The following CPAP variants were observed in gnomAD, a reference collection of about 807,000 sequenced individuals.
CPAP encodes the protein centrosomal P4.1-associated protein.
chr13:24,903,833 C>G, the CPAP span: 1 of 1,320,994 alleles, frequency 7.6e-7, no homozygotes, highest in Non-Finnish European at 1.1e-6. Context: ...ATTTGTTTGA[C>G]TGATTTAAAT....
chr13:24,922,282 T>G, the CPAP span, among the ~76,000 whole-genome samples: 20 of 152,136 alleles, frequency 1.3e-4, no homozygotes, highest in African/African-American at 4.8e-4. Flanking sequence ...TCTTAGACCG[T>G]GAGAAGTAAC....
At chr13:24,907,833 CT>C in the CPAP span, among the ~76,000 whole-genome samples, 1 of 152,186 alleles carries the variant, frequency 6.6e-6, no homozygotes, top group African/African-American at 2.4e-5. Context: ...GTCAAGGCAG[CT>C]TGACATATCT....
the CPAP span, among the ~76,000 whole-genome samples, chr13:24,914,336 A>C: frequency 6.6e-6 from 1 of 152,042 alleles, no homozygotes. Flanking sequence ...CCCCATCACC[A>C]TTACCTACCT....
the CPAP span, chr13:24,905,341 CT>C: frequency 6.2e-7 from 1 of 1,612,904 alleles, no homozygotes; most frequent in South Asian, 1.1e-5. Context: ...AATGCTCTGA[CT>C]CACCAGGTGG....
At chr13:24,921,417 C>T in the CPAP span, among the ~76,000 whole-genome samples, 2 of 152,326 alleles carry the variant, frequency 1.3e-5, no homozygotes, top group Non-Finnish European at 2.9e-5. Context: ...GCCATTCTTT[C>T]TTCCCAAATA....
the CPAP span, among the ~76,000 whole-genome samples, chr13:24,908,475 G>A: frequency 2.0e-5 from 3 of 147,390 alleles, no homozygotes; most frequent in Admixed American, 6.7e-5. Flanking sequence ...TTAGCCAGGC[G>A]TGGTGGCACA....
At chr13:24,932,251 T>C in the CPAP span, among the ~76,000 whole-genome samples, 1 of 152,192 alleles carries the variant, frequency 6.6e-6, no homozygotes, top group African/African-American at 2.4e-5. Context: ...TAGACGTGAC[T>C]CCTTGTTTCT....
chr13:24,908,273 A>C, the CPAP span: 1 of 617,388 alleles, frequency 1.6e-6, no homozygotes, highest in Middle Eastern at 4.5e-4. Flanking sequence ...GGAATTCTTT[A>C]ATATAATTAA....
the CPAP span, among the ~76,000 whole-genome samples, chr13:24,898,452 G>A: frequency 6.6e-6 from 1 of 152,078 alleles, no homozygotes; most frequent in African/African-American, 2.4e-5. Context: ...TGAATAGGTG[G>A]CCGGAGCAAG....
At chr13:24,900,896 G>A in the CPAP span, among the ~76,000 whole-genome samples, 1 of 152,216 alleles carries the variant, frequency 6.6e-6, no homozygotes, top group Non-Finnish European at 1.5e-5. Context: ...GCAAATGGAA[G>A]AGCAGACTCA....
chr13:24,931,778 T>C, the CPAP span, among the ~76,000 whole-genome samples: 1 of 152,240 alleles, frequency 6.6e-6, no homozygotes, highest in African/African-American at 2.4e-5. Context: ...TATCTCACTC[T>C]CCTGTTTCCA....
At chr13:24,907,216 T>G in the CPAP span, 21 of 1,533,890 alleles carry the variant, frequency 1.4e-5, no homozygotes, top group Non-Finnish European at 1.8e-5. Flanking sequence ...AGAAAGTTAT[T>G]TAACATGCAA....
At chr13:24,932,221 C>A in the CPAP span, among the ~76,000 whole-genome samples, 1 of 152,332 alleles carries the variant, frequency 6.6e-6, no homozygotes, top group Non-Finnish European at 1.5e-5. Flanking sequence ...CAAAGGGCAG[C>A]TTTCTTTGAG....
the CPAP span, among the ~76,000 whole-genome samples, chr13:24,931,023 C>A: frequency 8.5e-5 from 13 of 152,200 alleles, no homozygotes; most frequent in Admixed American, 7.9e-4. Flanking sequence ...TATCTCATTG[C>A]AGTTTTGATT....
the CPAP span, among the ~76,000 whole-genome samples, chr13:24,898,096 A>G: frequency 6.6e-6 from 1 of 152,152 alleles, no homozygotes; most frequent in South Asian, 2.1e-4. Flanking sequence ...GAGATTTGCC[A>G]TGTTGGCCAG....
the CPAP span, chr13:24,883,144 AGTTACT>A: frequency 1.3e-6 from 2 of 1,566,702 alleles, no homozygotes; most frequent in Non-Finnish European, 1.8e-6. Context: ...ATAAAAAGTC[AGTTACT>A]GTTACTTCAT....
the CPAP span, chr13:24,905,552 T>C: frequency 6.2e-7 from 1 of 1,614,172 alleles, no homozygotes; most frequent in Non-Finnish European, 8.5e-7. Flanking sequence ...ACCTATTTCA[T>C]TATTAGGGTA....
chr13:24,899,591 T>A, the CPAP span: 1 of 1,611,896 alleles, frequency 6.2e-7, no homozygotes, highest in Non-Finnish European at 8.5e-7. Context: ...TTTCCTAAAA[T>A]GACCAAACTA....
At chr13:24,886,315 C>G in the CPAP span, 44 of 1,289,110 alleles carry the variant, frequency 3.4e-5, no homozygotes, top group South Asian at 5.2e-4. Flanking sequence ...GGGAGAATGG[C>G]CTGAAGGAGG....
Sources: gnomAD v4.1 joint callset for allele counts (sites outside exome capture counted in the v4.1 genomes callset) on GRCh38, gnomAD v4.1.1 for gene constraint, MANE v1.5 for transcripts, NCBI Gene and HGNC (gene_info 2026-07-23, HGNC 2026-07-21) for gene names.